PARD3B: variants seen among roughly 807,000 people sequenced by gnomAD.
PARD3B encodes par-3 family cell polarity regulator beta.
In PARD3B, 103 loss-of-function variants were observed where a neutral mutation model predicts 130.2. The ratio of observed to expected loss-of-function variants is 0.79; its 90% CI spans 0.67 to 0.93. The LOEUF is 0.93. Ranked by LOEUF, PARD3B falls within the 40% of genes least tolerant of loss-of-function variation. The pLI, the probability that PARD3B is intolerant of heterozygous loss-of-function variation, is 0.00. For missense variants in PARD3B, 1,609 were observed against 1,499.2 expected (o/e 1.07, Z -1.21); for synonymous variants, 583 against 553.2 (o/e 1.05, Z -0.76).
intron 1 of PARD3B, among the ~76,000 whole-genome samples, chr2:204,660,005 C>T (rs1354184137): frequency 6.6e-6 from 1 of 152,118 alleles, no homozygotes; most frequent in African/African-American, 2.4e-5. Context: ...ATGGGGACCT[C>T]AGAGGAAAAC....
In PARD3B at chr2:205,458,529, G is replaced by A. The variant is rs1485450644; in HGVS notation, c.3044+17857G>A. ...TGTTGAGCACTTAATTTTAGTTATT[G>A]TAATTTTCAGTTTTAGGTGTCTATT... On this transcript the variant is annotated intron_variant, in intron 20 of 22. Transcript: ENST00000406610. This position sits in a 1 kb window ranked among gnomAD's most constrained non-coding sequence, Gnocchi z 4.8. 6.6e-6 allele frequency among the ~76,000 whole-genome samples: 1 copy of A among 152,102 alleles called. No homozygotes were observed. The highest frequency in any genetic ancestry group is 1.5e-5 in the Non-Finnish European group (1 of 68,002).
At chr2:205,432,885 G>A (rs1289737378) in intron 19 of PARD3B, among the ~76,000 whole-genome samples, 1 of 151,974 alleles carries the variant, frequency 6.6e-6, no homozygotes, top group Non-Finnish European at 1.5e-5. Context: ...GTACCAATTT[G>A]TAGGCCAGCC....
Position 205,172,252 on chromosome 2 carries a change from TG to T in PARD3B, c.1666del (p.Glu556AsnfsTer28). On this transcript the variant is annotated frameshift_variant, in exon 12 of 23. Coordinates refer to ENST00000406610, the MANE Select transcript of PARD3B (RefSeq NM_001302769.2). LOFTEE classifies it high-confidence loss of function. ...TGAATGACCAGCTGATTGCAGTTAATGGGGAATCTCTTTTGGGAAAGTCCAA... is the reference window on the plus strand; with the variant it reads ...TGAATGACCAGCTGATTGCAGTTAATGGGAATCTCTTTTGGGAAAGTCCAA... ...RMNDQLIAVNGESLLGKSNHE... is the reference protein window; with the variant it reads ...RMNDQLIAVNXESLLGKSNHE... The T allele has an allele frequency of 6.2e-7, 1 of 1,614,162 alleles. No homozygotes were observed. Among genetic ancestry groups the T allele is most frequent in the South Asian group, 1.1e-5 (1 of 91,082 alleles).
At chr2:204,835,218 C>G (rs1426941822) in intron 2 of PARD3B, among the ~76,000 whole-genome samples, 1 of 152,226 alleles carries the variant, frequency 6.6e-6, no homozygotes, top group Non-Finnish European at 1.5e-5. Flanking sequence ...CTGATCTGGA[C>G]AAGCTCACGT....
intron 12 of PARD3B, among the ~76,000 whole-genome samples, chr2:205,174,502 A>G (rs191152079): frequency 1.3e-5 from 2 of 152,318 alleles, no homozygotes; most frequent in East Asian, 3.9e-4. Flanking sequence ...TTAAATTGAA[A>G]AAAATTGCAA....
intron 4 of PARD3B, among the ~76,000 whole-genome samples, chr2:205,087,379 C>A (rs1701803341): frequency 6.6e-6 from 1 of 152,178 alleles, no homozygotes; most frequent in Non-Finnish European, 1.5e-5. Context: ...TTATACCAAT[C>A]AAATTACAGT....
intron 14 of PARD3B, among the ~76,000 whole-genome samples, chr2:205,186,312 C>A (rs563387548): frequency 6.6e-6 from 1 of 151,960 alleles, no homozygotes; most frequent in African/African-American, 2.4e-5. Flanking sequence ...CATATATAAT[C>A]TAAAATATTG....
intron 16 of PARD3B, among the ~76,000 whole-genome samples, chr2:205,252,846 C>G (rs1350665883): frequency 1.4e-5 from 2 of 138,048 alleles, no homozygotes; most frequent in Non-Finnish European, 3.2e-5. Flanking sequence ...GGACCCCCCC[C>G]CCCCACCAAA....
Position 205,589,119 on chromosome 2 carries a change from T to A in PARD3B, c.3261-26337T>A, listed in dbSNP as rs2106592476. On this transcript the variant is annotated intron_variant, in intron 22 of 22. Coordinates refer to ENST00000406610, the MANE Select transcript of PARD3B (RefSeq NM_001302769.2). This position sits in a 1 kb window ranked among gnomAD's most constrained non-coding sequence, Gnocchi z 4.1. ...TCTGGGTAACATGGCAAAACCCCATTTCTACAAAAAATACAGATATTAACT... is the reference window on the plus strand; with the variant it reads ...TCTGGGTAACATGGCAAAACCCCATATCTACAAAAAATACAGATATTAACT... Among the ~76,000 whole-genome samples, 1 of 152,196 alleles carries A rather than the reference T, an allele frequency of 6.6e-6. No individual in the cohort carries two copies. The highest frequency in any genetic ancestry group is 2.4e-5 in the African/African-American group (1 of 41,534).
At chr2:204,771,753 A>G (rs935324600) in intron 2 of PARD3B, among the ~76,000 whole-genome samples, 7 of 152,132 alleles carry the variant, frequency 4.6e-5, no homozygotes, top group Admixed American at 1.3e-4. Flanking sequence ...ATTCATACCT[A>G]TGGATTTTAT....
In PARD3B at chr2:204,906,198, G is replaced by A. The variant is rs1345759923; in HGVS notation, c.223-58954G>A. On this transcript the variant is annotated intron_variant, in intron 2 of 22. Coordinates refer to ENST00000406610, the MANE Select transcript of PARD3B (RefSeq NM_001302769.2). This position sits in a 1 kb window ranked among gnomAD's most constrained non-coding sequence, Gnocchi z 4.3. ...CTGTGACTTAAGTAATTATTTAGAA[G>A]TCATGGTAACTATTTGTCAAAAAGT... 6.6e-6 allele frequency among the ~76,000 whole-genome samples: 1 copy of A among 152,156 alleles called. No individual in the cohort carries two copies. The highest frequency in any genetic ancestry group is 1.5e-5 in the Non-Finnish European group (1 of 68,036).
intron 2 of PARD3B, among the ~76,000 whole-genome samples, chr2:204,832,340 T>G (rs970087880): frequency 6.6e-6 from 1 of 152,214 alleles, no homozygotes; most frequent in South Asian, 2.1e-4. Flanking sequence ...CTTTTCTGTT[T>G]AAAATCAGTG....
intron 3 of PARD3B, among the ~76,000 whole-genome samples, chr2:204,997,155 A>G (rs1456108274): frequency 6.6e-6 from 1 of 152,140 alleles, no homozygotes; most frequent in Non-Finnish European, 1.5e-5. Context: ...CCCTAACTTT[A>G]TAATACTCCG....
At chr2:204,987,717 C>T (rs1394347143) in intron 3 of PARD3B, among the ~76,000 whole-genome samples, 1 of 152,052 alleles carries the variant, frequency 6.6e-6, no homozygotes, top group Non-Finnish European at 1.5e-5. Flanking sequence ...AGACTAAGGA[C>T]TTTTCATTGT....
At chr2:204,613,426 G>C (rs2034000931) in intron 1 of PARD3B, among the ~76,000 whole-genome samples, 1 of 152,050 alleles carries the variant, frequency 6.6e-6, no homozygotes, top group Non-Finnish European at 1.5e-5. Flanking sequence ...TGTGCACTTT[G>C]AGCATTTATT....
At chr2:205,020,712 C>T (rs545641557) in intron 3 of PARD3B, among the ~76,000 whole-genome samples, 2 of 152,176 alleles carry the variant, frequency 1.3e-5, no homozygotes, top group Admixed American at 6.5e-5. Context: ...TGTGTGTTGT[C>T]GAAGTCAGAT....
chr2:204,705,910 G>A (rs10804144), intron 2 of PARD3B, among the ~76,000 whole-genome samples: 99,821 of 152,008 alleles, frequency 0.66, 36,586 homozygotes, highest in South Asian at 0.8. Flanking sequence ...GATACTATGC[G>A]GTCCTTTAGT....
chr2:205,181,647 C>T (rs2035794760), intron 13 of PARD3B, among the ~76,000 whole-genome samples: 1 of 152,224 alleles, frequency 6.6e-6, no homozygotes, highest in Non-Finnish European at 1.5e-5. Flanking sequence ...CCATAGCTTG[C>T]TGACCTGTTG....
rs1188823872 is a variant in PARD3B, at chr2:205,281,131, G to T, written c.2186-19399G>T. Among the ~76,000 whole-genome samples, 2 of 152,120 alleles carry T rather than the reference G, an allele frequency of 1.3e-5. No homozygotes were observed. Among genetic ancestry groups the T allele is most frequent in the Non-Finnish European group, 2.9e-5 (2 of 68,032 alleles). Reference sequence around the variant, plus strand: ...GAGTGGCTGCTGGGCTGCTGGGGAGGGGCATAGGCAGCCATAAAATGAAGC... The same window carrying T: ...GAGTGGCTGCTGGGCTGCTGGGGAGTGGCATAGGCAGCCATAAAATGAAGC... On this transcript the variant is annotated intron_variant, in intron 16 of 22. Coordinates refer to ENST00000406610, the MANE Select transcript of PARD3B (RefSeq NM_001302769.2). The surrounding 1 kb of genome is among the most constrained non-coding windows in gnomAD (Gnocchi z 4.2).
Sources: gnomAD v4.1 joint callset for allele counts (sites outside exome capture counted in the v4.1 genomes callset) on GRCh38, gnomAD v4.1.1 for gene constraint, Gnocchi (gnomAD v3.1) non-coding constraint, MANE v1.5 for transcripts, NCBI Gene and HGNC (gene_info 2026-07-23, HGNC 2026-07-21) for gene names.